MSRB1: variants seen among roughly 807,000 people sequenced by gnomAD.
MSRB1 encodes methionine-R-sulfoxide reductase B1.
A neutral mutation model predicts 15.2 loss-of-function variants in MSRB1; 13 were observed. The observed-to-expected ratio is 0.86, with a 90% CI of 0.56 to 1.36. The LOEUF (loss-of-function observed/expected upper bound fraction) is 1.36. Ranked by LOEUF, MSRB1 falls within the 40% of genes most tolerant of loss-of-function variation. The probability of loss-of-function intolerance (pLI) is 0.00; values close to 1 mark genes in which losing one functional copy is unlikely to be tolerated. For synonymous variants in MSRB1, 68 were observed against 64.5 expected (o/e 1.05, Z -0.26); for missense variants, 174 against 155.9 (o/e 1.12, Z -0.62).
chr16:1,942,765 C>G (rs963254143), intron 1 of MSRB1, among the ~76,000 whole-genome samples: 1 of 152,220 alleles, frequency 6.6e-6, no homozygotes, highest in Non-Finnish European at 1.5e-5. Flanking sequence ...ATTCCCCCAG[C>G]GCCATCACTT....
chr16:1,942,445 G>A (rs2083083649), intron 1 of MSRB1, among the ~76,000 whole-genome samples: 1 of 152,260 alleles, frequency 6.6e-6, no homozygotes, highest in Non-Finnish European at 1.5e-5. Flanking sequence ...AGTGTGGAGG[G>A]CTGGCCATGC....
Position 1,938,986 on chromosome 16 carries a change from G to A in MSRB1, c.*126C>T. The A allele has an allele frequency of 3.2e-6, 4 of 1,239,174 alleles. No individual in the cohort carries two copies. In the Admixed American group the frequency reaches 6.0e-5, roughly 18 times the overall value. 76.8% of individuals were successfully genotyped at this position (1,239,174 alleles called of 1,614,324 possible). A position where few individuals can be genotyped will look rare whatever the true frequency, so the allele number is the denominator to read the frequency against. Reference sequence around the variant, plus strand: ...TGTTCAGAGCCGGGGCCTTGGGAGTGTCCTGATGTTTCAACCACTGCGCCC... The same window carrying A: ...TGTTCAGAGCCGGGGCCTTGGGAGTATCCTGATGTTTCAACCACTGCGCCC... On this transcript the variant is annotated 3_prime_UTR_variant, in exon 4 of 4. Transcript: ENST00000361871.
At chr16:1,939,779 C>T (rs2083064089) in intron 3 of MSRB1, among the ~76,000 whole-genome samples, 1 of 151,992 alleles carries the variant, frequency 6.6e-6, no homozygotes, top group African/African-American at 2.4e-5. Context: ...CATGGTGAAA[C>T]CCCGTCTCTA....
Position 1,942,007 on chromosome 16 carries a change from G to A in MSRB1, c.56-602C>T, listed in dbSNP as rs543002273. On this transcript the variant is annotated intron_variant, in intron 1 of 3. Coordinates refer to ENST00000361871, the MANE Select transcript of MSRB1 (RefSeq NM_016332.4). ...AGCCTACCCACAAAGGATCCCTTTG[G>A]AGTGGAGGGGGTGGGAAAGTTGCAA... is the stretch of plus-strand genomic sequence containing the variant. The A allele has an allele frequency of 1.3e-3, 197 of 152,842 alleles. 1 individual carries two copies. The highest frequency in any genetic ancestry group is 2.5e-3 in the Admixed American group (38 of 15,322). 9.5% of individuals were successfully genotyped at this position (152,842 alleles called of 1,614,324 possible).
At position 1,940,759 on chromosome 16, in the gene MSRB1, C is replaced by T; in HGVS notation, c.319+19G>A. 20 of 1,604,898 alleles carry T rather than the reference C, an allele frequency of 1.2e-5. No individual in the cohort carries two copies. The highest frequency in any genetic ancestry group is 1.7e-5 in the Non-Finnish European group (20 of 1,173,682). On this transcript the variant is annotated intron_variant, in intron 3 of 3. Transcript: ENST00000361871. ...CAAAGGCCAACAGGCCTGGCCCCAGCTGTGCAAAGCAAGCTCACCTTTAGG... is the reference window on the plus strand; with the variant it reads ...CAAAGGCCAACAGGCCTGGCCCCAGTTGTGCAAAGCAAGCTCACCTTTAGG...
intron 3 of MSRB1, 47 bp downstream of exon 3, chr16:1,940,731 G>A: frequency 6.3e-7 from 1 of 1,576,706 alleles, no homozygotes; most frequent in Non-Finnish European, 8.6e-7. Context: ...CCCAGCCTGG[G>A]CTCAAAGGCC....
intron 1 of MSRB1, among the ~76,000 whole-genome samples, chr16:1,942,312 C>T (rs2083082595): frequency 6.6e-6 from 1 of 152,238 alleles, no homozygotes; most frequent in Admixed American, 6.5e-5. Context: ...CAACCCGCTA[C>T]AGGGGTGCCA....
intron 3 of MSRB1, 133 bp downstream of exon 3, chr16:1,940,645 G>A (rs1004960522): frequency 1.7e-6 from 2 of 1,147,764 alleles, no homozygotes; most frequent in Non-Finnish European, 2.4e-6. Flanking sequence ...GGGGGATCCT[G>A]GACAGTTCCC....
At chr16:1,939,206 C>T (rs769558348) in intron 3 of MSRB1, 63 bp from the exon 4 acceptor site, 41 of 1,551,954 alleles carry the variant, frequency 2.6e-5, no homozygotes, top group Non-Finnish European at 3.1e-5. Flanking sequence ...GGCGGAAAGC[C>T]GGGCGCGGGG....
chr16:1,941,543 C>T lies in MSRB1; in HGVS notation c.56-138G>A, dbSNP rs542000979. ...GCTGTGCTCCTTCCCCAGGCACCCG[C>T]CACGGGAGGCGCTGTGCTGAGCTCA... On this transcript the variant is annotated intron_variant, in intron 1 of 3. Coordinates refer to ENST00000361871, the MANE Select transcript of MSRB1 (RefSeq NM_016332.4). 6 of 1,221,560 alleles carry T rather than the reference C, an allele frequency of 4.9e-6. No individual in the cohort carries two copies. In the South Asian group the frequency reaches 7.8e-5, roughly 16 times the overall value. 75.7% of individuals were successfully genotyped at this position (1,221,560 alleles called of 1,614,324 possible). A position where few individuals can be genotyped will look rare whatever the true frequency, so the allele number is the denominator to read the frequency against.
At chr16:1,941,961 G>C (rs1190142981) in intron 1 of MSRB1, 1 of 153,606 alleles carries the variant, frequency 6.5e-6, no homozygotes, top group African/African-American at 2.4e-5. Flanking sequence ...GGAAGAAAGA[G>C]GGCTGGGGAC....
In MSRB1 at chr16:1,940,662, C is replaced by T. The variant is rs1231237888; in HGVS notation, c.319+116G>A. The T allele has an allele frequency of 1.2e-5, 15 of 1,272,978 alleles. 1 individual carries two copies. The highest frequency in any genetic ancestry group is 1.1e-4 in the South Asian group (7 of 66,010). 78.9% of individuals were successfully genotyped at this position (1,272,978 alleles called of 1,614,324 possible). A position where few individuals can be genotyped will look rare whatever the true frequency, so the allele number is the denominator to read the frequency against. On this transcript the variant is annotated intron_variant, in intron 3 of 3. Transcript: ENST00000361871. ...GGGATCCTGGACAGTTCCCAGGCAGCGTGACTTGGTGGCCCCATACCTTGT... is the reference window on the plus strand; with the variant it reads ...GGGATCCTGGACAGTTCCCAGGCAGTGTGACTTGGTGGCCCCATACCTTGT...
Position 1,941,395 on chromosome 16 carries a change from C to G in MSRB1, c.66G>C (p.Val22=). 1 of 1,612,288 alleles carries G rather than the reference C, an allele frequency of 6.2e-7. No individual in the cohort carries two copies. The highest frequency in any genetic ancestry group is 1.7e-4 in the Middle Eastern group (1 of 6,048). Residue 22 remains valine (V), a synonymous_variant, in exon 2 of 4, where the codon GTG becomes GTC. Transcript: ENST00000361871. The part of the protein sequence containing the change: ...FQNHFEPGVY[V]CAKCGYELFS... Reference sequence around the variant, plus strand: ...ACAGCTCATAGCCACACTTGGCACACACGTAAACGCCTGTGGTGGAAGGAG... The same window carrying G: ...ACAGCTCATAGCCACACTTGGCACAGACGTAAACGCCTGTGGTGGAAGGAG...
In MSRB1 at chr16:1,940,515, C is replaced by T. The variant is rs143695868; in HGVS notation, c.319+263G>A. ...CTCTAGCCTCTGGGAAAGGCCAGGC[C>T]TCTGAGGAAAACCATTTGCCACATT... On this transcript the variant is annotated intron_variant, in intron 3 of 3. Transcript: ENST00000361871. Among the ~76,000 whole-genome samples, 8 of 152,384 alleles carry T rather than the reference C, an allele frequency of 5.2e-5. No individual in the cohort carries two copies. The East Asian group carries it at 1.5e-3, about 29-fold the overall frequency.
intron 3 of MSRB1, 125 bp downstream of exon 3, chr16:1,940,641 TCCTGGACAGTTC>T (rs1229287344): frequency 2.0e-5 from 22 of 1,106,924 alleles, no homozygotes; most frequent in Non-Finnish European, 2.7e-5. Context: ...TTCTGGGGGA[TCCTGGACAGTTC>T]CCAGGCAGCG....
chr16:1,942,582 G>A (rs577774558), intron 1 of MSRB1, among the ~76,000 whole-genome samples: 1 of 152,362 alleles, frequency 6.6e-6, no homozygotes, highest in East Asian at 1.9e-4. Flanking sequence ...CGGCACATTA[G>A]GATCTGAAGG....
rs144639825 is a variant in MSRB1 at position 1,939,056 on chromosome 16, T to C, written c.*56A>G. ...CCAGGGTTCCAACTCCAAGGTGGAA[T>C]GGCCAACGTGTGGCCTCAGTGTGGT... On this transcript the variant is annotated 3_prime_UTR_variant, in exon 4 of 4. Coordinates refer to ENST00000361871, the MANE Select transcript of MSRB1 (RefSeq NM_016332.4). The C allele has an allele frequency of 2.5e-6, 4 of 1,605,306 alleles. No individual in the cohort carries two copies. In the African/African-American group the frequency reaches 5.3e-5, roughly 21 times the overall value.
intron 3 of MSRB1, among the ~76,000 whole-genome samples, chr16:1,939,470 C>T (rs375024705): frequency 2.0e-5 from 3 of 152,088 alleles, no homozygotes; most frequent in Non-Finnish European, 2.9e-5. Context: ...AGGTTTACCA[C>T]GCACCAGATC....
intron 3 of MSRB1, among the ~76,000 whole-genome samples, chr16:1,939,511 C>T (rs997034775): frequency 6.6e-6 from 1 of 152,082 alleles, no homozygotes. Flanking sequence ...CCCCACAGCA[C>T]GGTGATGGCC....
Sources: allele counts gnomAD v4.1 joint callset (sites outside exome capture counted in the v4.1 genomes callset), GRCh38; gene constraint gnomAD v4.1.1; transcripts MANE v1.5; gene names NCBI Gene and HGNC (gene_info 2026-07-23, HGNC 2026-07-21).